The following TTN variants were observed in gnomAD, a reference collection of about 807,000 sequenced individuals.
The protein encoded by TTN is titin.
TTN carries 1,525 observed loss-of-function variants against 3,223.0 expected under a neutral mutation model. The ratio of observed to expected loss-of-function variants is 0.47; its 90% CI spans 0.45 to 0.49. The LOEUF (loss-of-function observed/expected upper bound fraction) is 0.49, where lower values mean the gene tolerates loss of function less well. Among genes scored for constraint, TTN ranks in the 20% least tolerant of loss-of-function variants. The pLI, the probability that TTN is intolerant of heterozygous loss-of-function variation, is 0.00. For missense variants in TTN, 40,786 were observed against 43,424.0 expected (o/e 0.94, Z 5.40); for synonymous variants, 14,094 against 15,161.0 (o/e 0.93, Z 5.17).
Position 178,768,634 on chromosome 2 carries a change from G to A in TTN, c.9163+39C>T, listed in dbSNP as rs1265373300. 1.9e-6 allele frequency: 3 copies of A among 1,613,220 alleles called. No individual in the cohort carries two copies. The South Asian group carries it at 3.3e-5, about 18-fold the overall frequency. ...ACACTAAATTTTATAAAGCATGTAT[G>A]ACATTTTTTCTATGGATCTAATATG... On this transcript the variant is annotated intron_variant, in intron 38 of 362. Coordinates refer to ENST00000589042, the MANE Select transcript of TTN (RefSeq NM_001267550.2).
Position 178,662,398 on chromosome 2 carries a change from C to T in TTN, c.36979G>A (p.Ala12327Thr), listed in dbSNP as rs780968846. The change falls in exon 177 of 363, where the codon GCC becomes ACC. Residue 12327 changes from alanine to threonine, a missense_variant. Coordinates refer to ENST00000589042, the MANE Select transcript of TTN (RefSeq NM_001267550.2). ...GCCACGGGAATTTCTTTTTCTGTGGCTTCTTGAGGAACTTCTGGCACTTGA... is the reference window on the plus strand; with the variant it reads ...GCCACGGGAATTTCTTTTTCTGTGGTTTCTTGAGGAACTTCTGGCACTTGA... Reference protein sequence around the residue: ...AVTVPEVPQEATEKEIPVAPP... With the variant: ...AVTVPEVPQETTEKEIPVAPP... 3.4e-6 allele frequency: 5 copies of T among 1,468,336 alleles called. 1 individual carries two copies. The highest frequency in any genetic ancestry group is 4.5e-6 in the Non-Finnish European group (5 of 1,120,602). The allele number at this position is 1,468,336 out of a possible 1,614,324, so 91.0% of individuals were successfully genotyped here.
chr2:178,554,553 A>G lies in TTN; in HGVS notation c.88794T>C (p.Ile29598=). The G allele has an allele frequency of 6.2e-7, 1 of 1,613,766 alleles. No individual in the cohort carries two copies. The part of the protein sequence containing the change: ...LEECIITTTK[I]IKGNEYIFRV... ...GGAAGATGTATTCATTTCCTTTGAT[A>G]ATTTTGGTGGTTGTAATGATGCACT... Residue 29598 remains isoleucine (I), a synonymous_variant, in exon 332 of 363, where the codon ATT becomes ATC. Coordinates refer to ENST00000589042, the MANE Select transcript of TTN (RefSeq NM_001267550.2).
chr2:178,799,332 T>G, intron 6 of TTN, 155 bp downstream of exon 6: 2 of 1,177,544 alleles, frequency 1.7e-6, no homozygotes, highest in Non-Finnish European at 2.4e-6. Context: ...AACCTGCCCG[T>G]TTGTATGCTC....
At chr2:178,547,362 C>T (rs895544952) in intron 339 of TTN, 45 bp downstream of exon 339, 46 of 1,573,442 alleles carry the variant, frequency 2.9e-5, no homozygotes, top group Non-Finnish European at 3.7e-5. Context: ...TCAGGGGAAA[C>T]ATTTAATAAT....
At chr2:178,550,388 T>A in intron 336 of TTN, 115 bp from the exon 337 acceptor site, 1 of 827,532 alleles carries the variant, frequency 1.2e-6, no homozygotes, top group Non-Finnish European at 1.8e-6. Context: ...ACTTCTACTG[T>A]GCTACCAAAG....
rs761855784 is a variant in TTN, at chr2:178,793,540, A to G, written c.1400T>C (p.Val467Ala). The change falls in exon 9 of 363, where the codon GTA becomes GCA. Residue 467 changes from valine to alanine, a missense_variant and splice_region_variant. Physicochemically the swap from Val to Ala is moderately conservative, Grantham distance 64. Coordinates refer to ENST00000589042, the MANE Select transcript of TTN (RefSeq NM_001267550.2). The part of the protein sequence containing the change: ...AVHIQPAQEQ[V>A]RKEAEKTAVT... ...AGCAGTCTTCTCCGCTTCCTTTCTT[A>G]CCTGCTTTTCATAGAGAAAGGAAGA... The G allele has an allele frequency of 6.2e-7, 1 of 1,613,604 alleles. No homozygotes were observed. The highest frequency in any genetic ancestry group is 1.1e-5 in the South Asian group (1 of 91,066).
In TTN at chr2:178,702,500, G is replaced by A; in HGVS notation, c.30387C>T (p.Gly10129=). 1 of 1,613,894 alleles carries A rather than the reference G, an allele frequency of 6.2e-7. No homozygotes were observed. Among genetic ancestry groups the A allele is most frequent in the Non-Finnish European group, 8.5e-7 (1 of 1,179,874 alleles). Residue 10129 remains glycine, a synonymous_variant, in exon 107 of 363, where the codon GGC becomes GGT. Coordinates refer to ENST00000589042, the MANE Select transcript of TTN (RefSeq NM_001267550.2). ...ESQKYNFRND[G]RCHYMTIHNV... ...TGTGGATGGTCATATAATGGCAGCG[G>A]CCATCATTCCTGAAGTTGTATTTCT...
chr2:178,651,757 A>T lies in TTN; in HGVS notation c.39380-8T>A. The T allele has an allele frequency of 6.2e-7, 1 of 1,612,638 alleles. No homozygotes were observed. ...TCTTAGGTGGTACGGTCACTAAAGA[A>T]TTAGAAGGTATGTTTTAGAAAGAAC... On this transcript the variant is annotated splice_polypyrimidine_tract_variant and splice_region_variant and intron_variant, in intron 205 of 362. Coordinates refer to ENST00000589042, the MANE Select transcript of TTN (RefSeq NM_001267550.2).
rs370147263 is a variant in TTN, at chr2:178,527,787, A to G, written c.107378-39T>C. 19 of 1,510,212 alleles carry G rather than the reference A, an allele frequency of 1.3e-5. No individual in the cohort carries two copies. In the African/African-American group the frequency reaches 2.5e-4, roughly 20 times the overall value. 93.6% of individuals were successfully genotyped at this position (1,510,212 alleles called of 1,614,324 possible). On this transcript the variant is annotated intron_variant, in intron 361 of 362. Coordinates refer to ENST00000589042, the MANE Select transcript of TTN (RefSeq NM_001267550.2). ...CAGATACACAGTGAACATCAATGAC[A>G]TCTGGTTAATTGATGACATATGACG...
Position 178,775,618 on chromosome 2 carries a change from T to C in TTN, c.6246A>G (p.Glu2082=). The C allele has an allele frequency of 1.2e-6, 2 of 1,614,156 alleles. No homozygotes were observed. The highest frequency in any genetic ancestry group is 1.7e-6 in the Non-Finnish European group (2 of 1,180,012). Residue 2082 remains glutamate, a synonymous_variant, in exon 28 of 363, where the codon GAA becomes GAG. Coordinates refer to ENST00000589042, the MANE Select transcript of TTN (RefSeq NM_001267550.2). ...SPSMEAPKIF[E]RIQSQTVGQG... ...GGCCCACTGTTTGGCTCTGGATTCT[T>C]TCGAAGATTTTTGGAGCCTCCATAC...
chr2:178,758,839 G>A (rs763134118), intron 44 of TTN, 145 bp downstream of exon 44: 7 of 838,462 alleles, frequency 8.3e-6, no homozygotes, highest in Non-Finnish European at 1.4e-5. Context: ...GCGAGACCAT[G>A]GCATATAACA....
In TTN at chr2:178,531,547, G is replaced by A; in HGVS notation, c.105068C>T (p.Ala35023Val). Residue 35023 changes from alanine to valine, a missense_variant, in exon 358 of 363, where the codon GCT (alanine) becomes GTT (valine). Transcript: ENST00000589042. ...CACGTCCAACGTTGCATAGTCAGAAGCTTCGCCCTTGTAGTTGGTGCACAC... is the reference window on the plus strand; with the variant it reads ...CACGTCCAACGTTGCATAGTCAGAAACTTCGCCCTTGTAGTTGGTGCACAC... ...RAVCTNYKGE[A>V]SDYATLDVTG... 1.9e-6 allele frequency: 3 copies of A among 1,613,982 alleles called. No individual in the cohort carries two copies. The highest frequency in any genetic ancestry group is 2.2e-5 in the South Asian group (2 of 91,080).
In TTN at chr2:178,739,294, C is replaced by T. The variant is rs2082068479; in HGVS notation, c.13939G>A (p.Asp4647Asn). 2 of 1,612,986 alleles carry T rather than the reference C, an allele frequency of 1.2e-6. No homozygotes were observed. Among genetic ancestry groups the T allele is most frequent in the African/African-American group, 1.3e-5 (1 of 74,898 alleles). Residue 4647 changes from aspartate (D) to asparagine (N), a missense_variant, in exon 48 of 363, where the codon GAT (aspartate) becomes AAT (asparagine). Transcript: ENST00000589042. ...TCTTGTAAACACTTGAACTTTTCAT[C>T]TGAAGGCACCAGTTTATTCTCAAAA... ...WYFENKLVPS[D>N]EKFKCLQDQN...
At chr2:178,714,672 T>C in intron 90 of TTN, 99 bp from the exon 91 acceptor site, 1 of 1,329,812 alleles carries the variant, frequency 7.5e-7, no homozygotes, top group Non-Finnish European at 1.0e-6. Flanking sequence ...TGATAATGTG[T>C]TATTTCCATT....
At position 178,554,766 on chromosome 2, in the gene TTN, G is replaced by A. The variant is rs1700696756; in HGVS notation, c.88595-14C>T. 1 of 1,612,602 alleles carries A rather than the reference G, an allele frequency of 6.2e-7. No homozygotes were observed. Among genetic ancestry groups the A allele is most frequent in the Non-Finnish European group, 8.5e-7 (1 of 1,179,560 alleles). ...GGCCTGGTTTGTCTATCAGTGAAAG[G>A]ACAAAACACGATGTTAGTACTTCTT... On this transcript the variant is annotated splice_polypyrimidine_tract_variant and intron_variant, in intron 331 of 362. Transcript: ENST00000589042.
rs750071765 is a variant in TTN, at chr2:178,727,309, G to A, written c.20056C>T (p.Arg6686Ter). The part of the protein sequence containing the change: ...SKIVKAGDSS[R>*]LECKIAGSPE... ...GATCCAGCTATCTTGCATTCAAGTC[G>A]TGAAGAGTCACCTGCTTTCACAATT... is the stretch of plus-strand genomic sequence containing the variant. Residue 6686 changes from arginine to a stop codon, truncating the protein, a stop_gained, in exon 69 of 363, where the codon CGA becomes TGA. Transcript: ENST00000589042. LOFTEE classifies it high-confidence loss of function. The A allele has an allele frequency of 8.1e-6, 13 of 1,612,312 alleles. No homozygotes were observed. Among genetic ancestry groups the A allele is most frequent in the Admixed American group, 5.0e-5 (3 of 59,844 alleles).
chr2:178,740,120 C>T lies in TTN; in HGVS notation c.13113G>A (p.Glu4371=). 6.2e-7 allele frequency: 1 copy of T among 1,613,848 alleles called. No homozygotes were observed. The highest frequency in any genetic ancestry group is 8.5e-7 in the Non-Finnish European group (1 of 1,179,842). ...REPVAIKKVQ[E]VQGRDLLSKE... ...TAGAAAGAAGGTCCCTTCCCTGTAC[C>T]TCCTGCACTTTCTTTATTGCCACGG... Residue 4371 remains glutamate, a synonymous_variant, in exon 48 of 363, where the codon GAG becomes GAA. Coordinates refer to ENST00000589042, the MANE Select transcript of TTN (RefSeq NM_001267550.2).
intron 6 of TTN, 166 bp downstream of exon 6, chr2:178,799,321 C>A (rs2093931175): frequency 9.3e-7 from 1 of 1,071,396 alleles, no homozygotes. Flanking sequence ...CGGAGCCCCA[C>A]AACCTGCCCG....
At position 178,732,217 on chromosome 2, in the gene TTN, A is replaced by T. The variant is rs758374634; in HGVS notation, c.16752T>A (p.Ile5584=). The change falls in exon 57 of 363, where the codon ATT becomes ATA. Residue 5584 remains isoleucine, a synonymous_variant. Transcript: ENST00000589042. ...ACATTCTGTGTTTGCTGCTCTCCTT[A>T]ATTTCTCTATCATTTGCAAACCATG... The part of the protein sequence containing the change: ...KITWFANDRE[I]KESSKHRMSF... 8.7e-6 allele frequency: 14 copies of T among 1,613,824 alleles called. No individual in the cohort carries two copies. In the Admixed American group the frequency reaches 2.2e-4, roughly 25 times the overall value.
Sources: gnomAD v4.1 joint callset for allele counts on GRCh38, gnomAD v4.1.1 for gene constraint, MANE v1.5 for transcripts, NCBI Gene and HGNC (gene_info 2026-07-23, HGNC 2026-07-21) for gene names.